RBM33: variants seen among roughly 807,000 people sequenced by gnomAD.
RBM33 encodes the protein RNA-binding protein 33.
Under a neutral mutation model 132.6 loss-of-function variants are expected in RBM33, and 28 were observed. The ratio of observed to expected loss-of-function variants is 0.21; its 90% CI spans 0.16 to 0.29. The LOEUF (loss-of-function observed/expected upper bound fraction) is 0.29. Ranked by LOEUF, RBM33 falls within the 10% of genes least tolerant of loss-of-function variation. The pLI is 1.00. For synonymous variants in RBM33, 634 were observed against 593.0 expected (o/e 1.07, Z -1.01); for missense variants, 1,291 against 1,518.5 (o/e 0.85, Z 2.49).
intron 1 of RBM33, among the ~76,000 whole-genome samples, chr7:155,649,532 T>C: frequency 6.6e-6 from 1 of 152,278 alleles, no homozygotes. Context: ...CTTGATTTTT[T>C]CGGTCCCTCA....
Position 155,707,011 on chromosome 7 carries a change from G to A in RBM33, c.891G>A (p.Glu297=), listed in dbSNP as rs1269831231. Residue 297 remains glutamate, a synonymous_variant, in exon 7 of 18, where the codon GAG becomes GAA. Transcript: ENST00000401878. ...GGGACCAGAGGAGAGAGAGCACCGAGAGGGGCAGGATGAAGGACCACAGAC... is the reference window on the plus strand; with the variant it reads ...GGGACCAGAGGAGAGAGAGCACCGAAAGGGGCAGGATGAAGGACCACAGAC... The part of the protein sequence containing the change: ...GVGDQRREST[E]RGRMKDHRPA... The A allele has an allele frequency of 6.3e-7, 1 of 1,582,178 alleles. No individual in the cohort carries two copies.
At chr7:155,697,543 T>G (rs1221772688) in intron 5 of RBM33, among the ~76,000 whole-genome samples, 2 of 152,098 alleles carry the variant, frequency 1.3e-5, no homozygotes, top group African/African-American at 4.8e-5. Flanking sequence ...TAAGCAATGT[T>G]TTCTCTTTTG....
At chr7:155,737,491 C>G in intron 9 of RBM33, 39 bp from the exon 10 acceptor site, 1 of 1,546,878 alleles carries the variant, frequency 6.5e-7, no homozygotes. Context: ...ATTTTTCTGT[C>G]CTTCACCCTG....
At chr7:155,760,575 A>G (rs1272928434) in intron 14 of RBM33, among the ~76,000 whole-genome samples, 1 of 152,238 alleles carries the variant, frequency 6.6e-6, no homozygotes, top group Non-Finnish European at 1.5e-5. Context: ...TATGAATCTC[A>G]TACTAAGATT....
intron 6 of RBM33, chr7:155,701,357 T>C (rs1247303885): frequency 1.3e-5 from 3 of 238,006 alleles, no homozygotes; most frequent in Non-Finnish European, 1.6e-5. Context: ...TACCTTTTAG[T>C]GTCTTCATAG....
In RBM33 at chr7:155,774,433, A is replaced by G. The variant is rs949530294; in HGVS notation, c.3376-126A>G. The stretch of plus-strand genomic sequence containing the variant: ...GCCAGGGAGCTAGAAAGGAAAATCA[A>G]TTAGTGTGTTCCAAATGTCCGCCTG... On this transcript the variant is annotated intron_variant, in intron 16 of 17. Transcript: ENST00000401878. The surrounding 1 kb of genome is among the most constrained non-coding windows in gnomAD (Gnocchi z 4.2). 3.8e-5 allele frequency: 25 copies of G among 659,682 alleles called. No individual in the cohort carries two copies. Among genetic ancestry groups the G allele is most frequent in the Admixed American group, 1.3e-4 (5 of 39,200 alleles). 40.9% of individuals were successfully genotyped at this position (659,682 alleles called of 1,614,324 possible).
intron 9 of RBM33, among the ~76,000 whole-genome samples, chr7:155,733,943 GT>G (rs1398761828): frequency 6.6e-6 from 1 of 152,206 alleles, no homozygotes; most frequent in African/African-American, 2.4e-5. Flanking sequence ...ATTTAATTCT[GT>G]CAGTCTCTTT....
chr7:155,666,857 G>T (rs1798815417), intron 2 of RBM33, among the ~76,000 whole-genome samples: 1 of 152,100 alleles, frequency 6.6e-6, no homozygotes. Flanking sequence ...CTAGATTTTT[G>T]AGAAGAATAC....
intron 9 of RBM33, 49 bp downstream of exon 9, chr7:155,718,492 A>G (rs1800531036): frequency 2.0e-6 from 3 of 1,475,756 alleles, no homozygotes; most frequent in Non-Finnish European, 2.8e-6. Context: ...GCATACATTT[A>G]CTAAGAAATA....
At chr7:155,706,804 G>A in intron 6 of RBM33, 56 bp from the exon 7 acceptor site, 1 of 1,389,194 alleles carries the variant, frequency 7.2e-7, no homozygotes, top group South Asian at 1.3e-5. Context: ...TCTCTCCCTA[G>A]ACCTCCAGTT....
Position 155,739,710 on chromosome 7 carries a change from G to A in RBM33, c.1738-5G>A. The A allele has an allele frequency of 1.9e-6, 3 of 1,542,454 alleles. No homozygotes were observed. Among genetic ancestry groups the A allele is most frequent in the Non-Finnish European group, 2.6e-6 (3 of 1,142,458 alleles). On this transcript the variant is annotated splice_region_variant and splice_polypyrimidine_tract_variant and intron_variant, in intron 11 of 17. Transcript: ENST00000401878. ...CTGTTGTTTCTCTTTCTTTGGAAAT[G>A]GAAGGGGCCGTTGCATCCTCCATTG... is the stretch of plus-strand genomic sequence containing the variant.
chr7:155,700,696 T>C, intron 5 of RBM33, 77 bp from the exon 6 acceptor site: 1 of 1,073,218 alleles, frequency 9.3e-7, no homozygotes, highest in Non-Finnish European at 1.3e-6. Context: ...AATTAAATAT[T>C]TTAGCATTCT....
intron 9 of RBM33, among the ~76,000 whole-genome samples, chr7:155,719,016 T>G (rs1416917151): frequency 6.6e-6 from 1 of 152,182 alleles, no homozygotes; most frequent in African/African-American, 2.4e-5. Flanking sequence ...AATGCACACT[T>G]TGCTGTATCT....
intron 1 of RBM33, among the ~76,000 whole-genome samples, chr7:155,650,166 G>T (rs1798317582): frequency 6.6e-6 from 1 of 152,220 alleles, no homozygotes. Flanking sequence ...GACAAGCACT[G>T]CCTGGGATGC....
chr7:155,761,632 CTT>C (rs2117064193), intron 14 of RBM33, among the ~76,000 whole-genome samples: 2 of 152,250 alleles, frequency 1.3e-5, no homozygotes, highest in Non-Finnish European at 2.9e-5. Flanking sequence ...GGTGATCCCT[CTT>C]TGTTTCCTTA....
Position 155,687,654 on chromosome 7 carries a change from T to A in RBM33, c.567+6746T>A, listed in dbSNP as rs912443247. On this transcript the variant is annotated intron_variant, in intron 5 of 17. Transcript: ENST00000401878. ...AATCCATCTTGAATTAATTTTCGTA[T>A]AAGGTGTAAGGAAGGGATCCAGTTT... Among the ~76,000 whole-genome samples the A allele has an allele frequency of 1.5e-3, 225 of 152,204 alleles. 2 individuals are homozygous for A. Among genetic ancestry groups the A allele is most frequent in the Non-Finnish European group, 2.2e-3 (153 of 68,028 alleles).
At chr7:155,690,694 C>G (rs1799612627) in intron 5 of RBM33, among the ~76,000 whole-genome samples, 1 of 152,136 alleles carries the variant, frequency 6.6e-6, no homozygotes, top group African/African-American at 2.4e-5. Context: ...ATTTGCTTGT[C>G]TGTAAAGAAT....
chr7:155,744,843 C>T, intron 13 of RBM33, 118 bp from the exon 14 acceptor site: 2 of 1,041,008 alleles, frequency 1.9e-6, no homozygotes, highest in Non-Finnish European at 2.7e-6. Context: ...TTTTGAGTGA[C>T]TTCTTTCAGA....
intron 5 of RBM33, among the ~76,000 whole-genome samples, chr7:155,684,488 A>G (rs1005954144): frequency 2.0e-5 from 3 of 152,212 alleles, no homozygotes; most frequent in African/African-American, 7.2e-5. Context: ...GGAGAAACAT[A>G]CTAATCACGA....
Sources: allele counts gnomAD v4.1 joint callset (sites outside exome capture counted in the v4.1 genomes callset), GRCh38; gene constraint gnomAD v4.1.1; non-coding constraint Gnocchi (gnomAD v3.1); transcripts MANE v1.5; gene names NCBI Gene and HGNC (gene_info 2026-07-23, HGNC 2026-07-21).